ENOX1: variants seen among roughly 807,000 people sequenced by gnomAD.
ENOX1 encodes the protein candidate growth-related and time keeping constitutive hydroquinone (NADH) oxidase.
A neutral mutation model predicts 82.5 loss-of-function variants in ENOX1; 42 were observed. The ratio of observed to expected loss-of-function variants is 0.51; its 90% CI spans 0.40 to 0.66. The LOEUF is 0.66. Ranked by LOEUF, ENOX1 falls within the 30% of genes least tolerant of loss-of-function variation. The pLI, the probability that ENOX1 is intolerant of heterozygous loss-of-function variation, is 0.00. For synonymous variants in ENOX1, 271 were observed against 282.2 expected, an observed-to-expected ratio of 0.96 and a Z score of 0.40; for missense variants, 608 against 811.6, an observed-to-expected ratio of 0.75 and a Z score of 3.05.
intron 12 of ENOX1, among the ~76,000 whole-genome samples, chr13:43,297,508 T>A (rs2046345156): frequency 6.6e-6 from 1 of 152,226 alleles, no homozygotes; most frequent in African/African-American, 2.4e-5. Flanking sequence ...ATATGCTCTG[T>A]TATTCTAAGG....
rs1190283642 is a variant in ENOX1 at position 43,322,607 on chromosome 13, T to C, written c.1144-106A>G. On this transcript the variant is annotated intron_variant, in intron 10 of 16. Transcript: ENST00000690772. Reference sequence around the variant, plus strand: ...CATATTAACATTCAGAATCCAAAGCTTTTATCTCCCAAATATAGCCTCACC... The same window carrying C: ...CATATTAACATTCAGAATCCAAAGCCTTTATCTCCCAAATATAGCCTCACC... 4 of 918,770 alleles carry C rather than the reference T, an allele frequency of 4.4e-6. No homozygotes were observed. The African/African-American group carries it at 6.6e-5, about 15-fold the overall frequency. 56.9% of individuals were successfully genotyped at this position (918,770 alleles called of 1,614,324 possible). A position where few individuals can be genotyped will look rare whatever the true frequency, so the allele number is the denominator to read the frequency against.
intron 2 of ENOX1, chr13:43,609,834 G>A: frequency 1.5e-6 from 1 of 674,536 alleles, no homozygotes; most frequent in Non-Finnish European, 1.8e-6. Flanking sequence ...ATATTTAAAA[G>A]GACCATTACA....
intron 16 of ENOX1, among the ~76,000 whole-genome samples, chr13:43,218,054 C>A (rs1287478811): frequency 6.6e-6 from 1 of 152,144 alleles, no homozygotes; most frequent in African/African-American, 2.4e-5. Context: ...GGAACTTAGG[C>A]ACAGAGATGT....
intron 8 of ENOX1, among the ~76,000 whole-genome samples, chr13:43,351,184 T>C (rs1259779331): frequency 6.6e-6 from 1 of 152,136 alleles, no homozygotes; most frequent in African/African-American, 2.4e-5. Flanking sequence ...TAAAGAAGTC[T>C]CCTTTTCCTG....
chr13:43,691,698 C>CTTTT (rs567406882), intron 1 of ENOX1, among the ~76,000 whole-genome samples: 1 of 135,710 alleles, frequency 7.4e-6, no homozygotes, highest in East Asian at 2.1e-4. Context: ...AGCCCACAGA[C>CTTTT]TTTTTTTTTT....
intron 5 of ENOX1, chr13:43,394,511 A>G (rs1322421959): frequency 6.6e-6 from 1 of 152,266 alleles, no homozygotes; most frequent in African/African-American, 2.4e-5. Context: ...GTGGCAGCCA[A>G]TGATGAGCAG....
At chr13:43,494,698 C>T (rs533391717) in intron 2 of ENOX1, among the ~76,000 whole-genome samples, 7 of 152,218 alleles carry the variant, frequency 4.6e-5, no homozygotes, top group African/African-American at 1.7e-4. Flanking sequence ...TTGAGAATAA[C>T]AAATTTGAAA....
intron 3 of ENOX1, among the ~76,000 whole-genome samples, chr13:43,440,249 CAGTT>C (rs2056287656): frequency 6.6e-6 from 1 of 152,134 alleles, no homozygotes; most frequent in African/African-American, 2.4e-5. Flanking sequence ...TCAATTCTAA[CAGTT>C]AGACAAAAAA....
At chr13:43,396,186 G>A (rs542688924) in intron 5 of ENOX1, among the ~76,000 whole-genome samples, 22 of 152,136 alleles carry the variant, frequency 1.4e-4, no homozygotes, top group South Asian at 4.1e-4. Flanking sequence ...TCAAAAGCCC[G>A]GAAACTGGCA....
chr13:43,623,113 C>A (rs962129762), intron 2 of ENOX1, among the ~76,000 whole-genome samples: 5 of 152,128 alleles, frequency 3.3e-5, no homozygotes, highest in Admixed American at 6.5e-5. Flanking sequence ...ACCATGCCCC[C>A]CTCAACAGCC....
intron 14 of ENOX1, among the ~76,000 whole-genome samples, chr13:43,246,465 G>C (rs1213835913): frequency 2.0e-5 from 3 of 152,264 alleles, no homozygotes; most frequent in Non-Finnish European, 4.4e-5. Flanking sequence ...AACATGAAAG[G>C]AAAGGGGAGC....
intron 1 of ENOX1, among the ~76,000 whole-genome samples, chr13:43,755,714 C>CA (rs1950610232): frequency 6.6e-6 from 1 of 152,116 alleles, no homozygotes; most frequent in Admixed American, 6.6e-5. Context: ...ACATTTTCAA[C>CA]AAAAATAAAA....
chr13:43,507,298 G>T (rs1369811331), intron 2 of ENOX1, among the ~76,000 whole-genome samples: 3 of 151,850 alleles, frequency 2.0e-5, no homozygotes, highest in Non-Finnish European at 4.4e-5. Context: ...ACAAGTGAAG[G>T]TCAGGTGTTT....
intron 1 of ENOX1, among the ~76,000 whole-genome samples, chr13:43,756,705 G>T (rs761387129): frequency 2.6e-5 from 4 of 151,942 alleles, no homozygotes; most frequent in Non-Finnish European, 4.4e-5. Flanking sequence ...GCTCATTAGG[G>T]GCTATCCCAG....
intron 6 of ENOX1, among the ~76,000 whole-genome samples, chr13:43,360,328 C>T (rs1158411282): frequency 1.3e-5 from 2 of 152,204 alleles, no homozygotes; most frequent in East Asian, 3.9e-4. Context: ...AATTTCATTT[C>T]TCCTTTATAC....
At chr13:43,692,536 C>G (rs2153804543) in intron 1 of ENOX1, among the ~76,000 whole-genome samples, 1 of 152,206 alleles carries the variant, frequency 6.6e-6, no homozygotes, top group African/African-American at 2.4e-5. Context: ...TGCCTGACAT[C>G]TAATTTACTT....
At chr13:43,451,917 A>G (rs1486979932) in intron 3 of ENOX1, among the ~76,000 whole-genome samples, 1 of 152,244 alleles carries the variant, frequency 6.6e-6, no homozygotes, top group Non-Finnish European at 1.5e-5. Flanking sequence ...AGATTATATC[A>G]GATGGGGATA....
At chr13:43,437,104 T>C (rs2056076689) in intron 3 of ENOX1, among the ~76,000 whole-genome samples, 1 of 152,180 alleles carries the variant, frequency 6.6e-6, no homozygotes, top group Non-Finnish European at 1.5e-5. Flanking sequence ...TTATAGAACA[T>C]ATTTTTTAAA....
intron 5 of ENOX1, among the ~76,000 whole-genome samples, chr13:43,367,336 C>T (rs975997143): frequency 1.1e-4 from 17 of 152,122 alleles, no homozygotes; most frequent in Admixed American, 1.0e-3. Context: ...ATCCCCCATA[C>T]CTATGAATGT....
Sources: gnomAD v4.1 joint callset for allele counts (sites outside exome capture counted in the v4.1 genomes callset) on GRCh38, gnomAD v4.1.1 for gene constraint, MANE v1.5 for transcripts, NCBI Gene and HGNC (gene_info 2026-07-23, HGNC 2026-07-21) for gene names.